IQGAP1: variants seen among roughly 807,000 people sequenced by gnomAD.
The protein encoded by IQGAP1 is ras GTPase-activating-like protein IQGAP1.
IQGAP1 carries 66 observed loss-of-function variants against 215.6 expected under a neutral mutation model. The ratio of observed to expected loss-of-function variants is 0.31; its 90% CI spans 0.25 to 0.38. The LOEUF is 0.38. Ranked by LOEUF, IQGAP1 falls within the 10% of genes least tolerant of loss-of-function variation. IQGAP1 has a pLI of 1.00. For missense variants in IQGAP1, 1,712 were observed against 1,997.1 expected (o/e 0.86, Z 2.72); for synonymous variants, 772 against 728.7 (o/e 1.06, Z -0.96).
At chr15:90,487,990 A>G (rs937927986) in intron 33 of IQGAP1, among the ~76,000 whole-genome samples, 1 of 152,150 alleles carries the variant, frequency 6.6e-6, no homozygotes, top group African/African-American at 2.4e-5. Context: ...TGGGAGGCTG[A>G]GGTGGGTAGT....
intron 26 of IQGAP1, among the ~76,000 whole-genome samples, chr15:90,481,392 C>T (rs1004649561): frequency 1.1e-4 from 16 of 150,602 alleles, no homozygotes; most frequent in African/African-American, 3.9e-4. Context: ...CACTCCTATC[C>T]TTGAAGACCT....
At chr15:90,444,243 C>CGGTG (rs1698864755) in intron 9 of IQGAP1, among the ~76,000 whole-genome samples, 1 of 126,944 alleles carries the variant, frequency 7.9e-6, no homozygotes, top group Admixed American at 8.4e-5. Flanking sequence ...TCCTTCAAAA[C>CGGTG]TGTGTGTGTG....
chr15:90,456,029 A>G, intron 14 of IQGAP1, 123 bp from the exon 15 acceptor site: 4 of 719,836 alleles, frequency 5.6e-6, no homozygotes, highest in Non-Finnish European at 6.7e-6. Flanking sequence ...ACGGATGGTA[A>G]GTTGCAGTTT....
intron 2 of IQGAP1, among the ~76,000 whole-genome samples, chr15:90,424,825 T>A (rs574729951): frequency 5.6e-4 from 85 of 150,874 alleles, no homozygotes; most frequent in Middle Eastern, 3.5e-3. Flanking sequence ...GGCAACAGAG[T>A]GAGACTCCAA....
At chr15:90,440,231 C>T (rs956420813) in intron 6 of IQGAP1, among the ~76,000 whole-genome samples, 3 of 152,168 alleles carry the variant, frequency 2.0e-5, no homozygotes, top group African/African-American at 7.2e-5. Flanking sequence ...GTAGGAAATG[C>T]CATAAGTAGC....
chr15:90,466,268 G>T lies in IQGAP1; in HGVS notation c.1868-1G>T. On this transcript the variant is annotated splice_acceptor_variant, in intron 16 of 37. Coordinates refer to ENST00000268182, the MANE Select transcript of IQGAP1 (RefSeq NM_003870.4). LOFTEE classifies it high-confidence loss of function. ...CTGGTAACAGTTCTTTCCCGAAATA[G>T]TTGCCTTAGGAATCTTTGCCATTAA... 1 of 1,614,046 alleles carries T rather than the reference G, an allele frequency of 6.2e-7. No individual in the cohort carries two copies. Among genetic ancestry groups the T allele is most frequent in the Non-Finnish European group, 8.5e-7 (1 of 1,179,910 alleles).
chr15:90,403,537 C>G (rs1273294391), intron 2 of IQGAP1, among the ~76,000 whole-genome samples: 3 of 152,196 alleles, frequency 2.0e-5, no homozygotes, highest in Admixed American at 6.5e-5. Context: ...TCTTCTTTCT[C>G]TAGCTATTCA....
chr15:90,448,576 T>C lies in IQGAP1; in HGVS notation c.917T>C (p.Phe306Ser). The change falls in exon 10 of 38, where the codon TTT becomes TCT. Residue 306 changes from phenylalanine to serine, a missense_variant. By Grantham distance (155) the Phe-to-Ser change is radical. Transcript: ENST00000268182. ...AGCTTTTGCCTTTTTTCCTCAGCAT[T>C]TTCTGCATTAGCAAATATCGACCTG... ...IQGNINKVNT[F>S]SALANIDLAL... 1 of 1,576,930 alleles carries C rather than the reference T, an allele frequency of 6.3e-7. No homozygotes were observed. Among genetic ancestry groups the C allele is most frequent in the Non-Finnish European group, 8.6e-7 (1 of 1,162,070 alleles).
rs185544943 is a variant in IQGAP1, at chr15:90,459,917, G to A, written c.1776+3602G>A. Among the ~76,000 whole-genome samples the A allele has an allele frequency of 1.2e-3, 185 of 152,286 alleles. 1 individual carries two copies. The highest frequency in any genetic ancestry group is 2.3e-3 in the South Asian group (11 of 4,826). ...GGTAATACTGGCCTCATGACTTGAA[G>A]TGTTCCTTTTATATTTTCAAAGAGT... On this transcript the variant is annotated intron_variant, in intron 15 of 37. Transcript: ENST00000268182.
At chr15:90,457,616 A>AT (rs1284006186) in intron 15 of IQGAP1, among the ~76,000 whole-genome samples, 4 of 87,390 alleles carry the variant, frequency 4.6e-5, no homozygotes, top group Admixed American at 1.2e-4. Context: ...TTTTTTTTGT[A>AT]TTTTTTGTAG....
intron 11 of IQGAP1, among the ~76,000 whole-genome samples, chr15:90,452,207 G>C (rs1965613529): frequency 6.6e-6 from 1 of 152,172 alleles, no homozygotes; most frequent in African/African-American, 2.4e-5. Flanking sequence ...ATTTGTTAGG[G>C]AAATATCTGG....
At chr15:90,431,039 CAATATAT>C (rs1965295436) in intron 4 of IQGAP1, among the ~76,000 whole-genome samples, 1 of 146,514 alleles carries the variant, frequency 6.8e-6, no homozygotes, top group Non-Finnish European at 1.5e-5. Flanking sequence ...ATCATATATA[CAATATAT>C]TATATATTAT....
intron 2 of IQGAP1, among the ~76,000 whole-genome samples, chr15:90,416,014 T>G (rs1484616221): frequency 1.3e-5 from 2 of 152,198 alleles, no homozygotes; most frequent in Admixed American, 1.3e-4. Flanking sequence ...TCCTTTTTTG[T>G]TTTTTAATTT....
In IQGAP1 at chr15:90,401,916, A is replaced by T. The variant is rs530453390; in HGVS notation, c.155+11043A>T. ...GATAGGCATTATTTTTATTTTAAAG[A>T]GGGAAAAAAATAGAGTTGATAACAC... On this transcript the variant is annotated intron_variant, in intron 2 of 37. Coordinates refer to ENST00000268182, the MANE Select transcript of IQGAP1 (RefSeq NM_003870.4). Among the ~76,000 whole-genome samples the T allele has an allele frequency of 1.2e-4, 18 of 152,344 alleles. No homozygotes were observed. The East Asian group carries it at 3.3e-3, about 28-fold the overall frequency.
intron 35 of IQGAP1, among the ~76,000 whole-genome samples, chr15:90,493,148 C>T (rs1191213912): frequency 1.3e-5 from 2 of 151,592 alleles, no homozygotes; most frequent in African/African-American, 4.9e-5. Context: ...GAGGCTGAGG[C>T]AGGAGAATTA....
chr15:90,462,000 GAA>G (rs1555439593), intron 15 of IQGAP1, among the ~76,000 whole-genome samples: 1,788 of 11,520 alleles, frequency 0.16, 48 homozygotes, highest in African/African-American at 0.38. Context: ...AAAAAAAAAA[GAA>G]AAAAAAAAAA....
chr15:90,491,598 T>C (rs955421475), intron 34 of IQGAP1, 53 bp downstream of exon 34: 38 of 1,431,822 alleles, frequency 2.7e-5, no homozygotes, highest in Non-Finnish European at 3.6e-5. Flanking sequence ...GCTGAGAGGC[T>C]CGAGAGACAG....
At chr15:90,476,601 C>G (rs1236649582) in intron 23 of IQGAP1, 62 bp from the exon 24 acceptor site, 1 of 1,331,162 alleles carries the variant, frequency 7.5e-7, no homozygotes, top group Non-Finnish European at 1.0e-6. Flanking sequence ...AAAACCTTTC[C>G]TCAATGCCCA....
chr15:90,447,822 A>T (rs1346157997), intron 9 of IQGAP1, among the ~76,000 whole-genome samples: 4 of 152,140 alleles, frequency 2.6e-5, no homozygotes, highest in Admixed American at 2.0e-4. Context: ...TCATTTTCAG[A>T]TGAAGGAACA....
Sources: allele counts gnomAD v4.1 joint callset (sites outside exome capture counted in the v4.1 genomes callset), GRCh38; gene constraint gnomAD v4.1.1; transcripts MANE v1.5; gene names NCBI Gene and HGNC (gene_info 2026-07-23, HGNC 2026-07-21).